IL1RAPL1: variants seen among roughly 807,000 people sequenced by gnomAD.
The protein encoded by IL1RAPL1 is interleukin-1 receptor accessory protein-like 1.
IL1RAPL1 carries 3 observed loss-of-function variants against 48.4 expected under a neutral mutation model. That is an observed-to-expected ratio of 0.06 (90% confidence interval 0.03 to 0.16). IL1RAPL1 has a LOEUF of 0.16. Among genes scored for constraint, IL1RAPL1 ranks in the 10% least tolerant of loss-of-function variants. The pLI is 1.00. For missense variants in IL1RAPL1, 349 were observed against 530.6 expected (o/e 0.66, Z 3.36); for synonymous variants, 185 against 187.7 (o/e 0.99, Z 0.12).
intron 3 of IL1RAPL1, among the ~76,000 whole-genome samples, chrX:29,331,615 A>G (rs906777386): frequency 3.6e-5 from 4 of 112,272 alleles, no homozygotes; most frequent in Non-Finnish European, 7.5e-5. Context: ...AAAAATCTCT[A>G]TTTAGTGATT....
chrX:29,866,145 C>T (rs1395068834), intron 6 of IL1RAPL1, among the ~76,000 whole-genome samples: 1 of 111,477 alleles, frequency 9.0e-6, no homozygotes, highest in Non-Finnish European at 1.9e-5. Flanking sequence ...GGAAGGATAC[C>T]TTGGAACATT....
chrX:28,634,264 C>G (rs1418553120), intron 1 of IL1RAPL1, among the ~76,000 whole-genome samples: 2 of 109,660 alleles, frequency 1.8e-5, no homozygotes, highest in African/African-American at 6.7e-5. Flanking sequence ...GGCCTCTTAA[C>G]ATGCCGGGAT....
At chrX:29,002,200 C>T (rs1310329210) in intron 2 of IL1RAPL1, among the ~76,000 whole-genome samples, 1 of 110,395 alleles carries the variant, frequency 9.1e-6, no homozygotes, top group East Asian at 2.8e-4. Flanking sequence ...ATGCCAGGCC[C>T]CAAGAACTAT....
At chrX:29,506,061 G>A (rs5972285) in intron 5 of IL1RAPL1, among the ~76,000 whole-genome samples, 50,468 of 110,598 alleles carry the variant, frequency 0.46, 8,350 homozygotes, top group East Asian at 0.7. Context: ...CTCAGTGCCA[G>A]TATTTTTGTT....
At chrX:29,783,019 C>A (rs1367528987) in intron 6 of IL1RAPL1, among the ~76,000 whole-genome samples, 1 of 101,632 alleles carries the variant, frequency 9.8e-6, no homozygotes, top group African/African-American at 3.6e-5. Flanking sequence ...ATTCTCCTGC[C>A]TCAGCCTCCC....
At chrX:29,226,991 AT>A (rs370414523) in intron 2 of IL1RAPL1, among the ~76,000 whole-genome samples, 44,366 of 103,733 alleles carry the variant, frequency 0.43, 8,992 homozygotes, top group Non-Finnish European at 0.62. Context: ...GGAATGGAAG[AT>A]TTTTTTTTTT....
chrX:28,675,373 C>T (rs922223955), intron 1 of IL1RAPL1, among the ~76,000 whole-genome samples: 1 of 111,013 alleles, frequency 9.0e-6, no homozygotes, highest in African/African-American at 3.3e-5. Flanking sequence ...ATTTTTTAAC[C>T]CCCGCTGTGT....
intron 2 of IL1RAPL1, among the ~76,000 whole-genome samples, chrX:29,147,288 T>C (rs183485708): frequency 5.3e-5 from 6 of 112,271 alleles, no homozygotes; most frequent in African/African-American, 1.6e-4. Context: ...ATAGCAGCAG[T>C]TGAAATTTCT....
chrX:28,970,989 C>T (rs1258142489), intron 2 of IL1RAPL1, among the ~76,000 whole-genome samples: 2 of 111,371 alleles, frequency 1.8e-5, no homozygotes, highest in East Asian at 5.6e-4. Flanking sequence ...CATTCAACTA[C>T]CTTGCATATC....
intron 5 of IL1RAPL1, among the ~76,000 whole-genome samples, chrX:29,541,182 C>T (rs1446137217): frequency 9.0e-6 from 1 of 111,701 alleles, no homozygotes; most frequent in African/African-American, 3.3e-5. Flanking sequence ...TGAAAAAATG[C>T]TCAAAATCGC....
intron 2 of IL1RAPL1, among the ~76,000 whole-genome samples, chrX:29,259,577 C>A (rs1016790645): frequency 1.1e-4 from 12 of 110,575 alleles, no homozygotes; most frequent in African/African-American, 3.6e-4. Flanking sequence ...CTGAAAAAAA[C>A]ATATAAGATT....
chrX:29,135,755 A>T (rs1459163721), intron 2 of IL1RAPL1, among the ~76,000 whole-genome samples: 1 of 111,618 alleles, frequency 9.0e-6, no homozygotes, highest in African/African-American at 3.3e-5. Flanking sequence ...TTATTTTGAG[A>T]CAGGGTTTCA....
At chrX:29,457,971 T>C (rs1315661674) in intron 5 of IL1RAPL1, among the ~76,000 whole-genome samples, 1 of 112,254 alleles carries the variant, frequency 8.9e-6, no homozygotes, top group Non-Finnish European at 1.9e-5. Context: ...TTCCTATGTC[T>C]GTTGGCTGCT....
At chrX:28,969,932 T>TATATGTTTCTAAACAC (rs1330023633) in intron 2 of IL1RAPL1, among the ~76,000 whole-genome samples, 3 of 111,318 alleles carry the variant, frequency 2.7e-5, no homozygotes, top group African/African-American at 9.7e-5. Context: ...TAAACACATA[T>TATATGTTTCTAAACAC]ATATGTTTCT....
intron 2 of IL1RAPL1, among the ~76,000 whole-genome samples, chrX:28,982,113 T>C (rs1925357765): frequency 8.9e-6 from 1 of 112,223 alleles, no homozygotes; most frequent in African/African-American, 3.2e-5. Context: ...CCACAAAATA[T>C]GATGAGAGAG....
intron 2 of IL1RAPL1, among the ~76,000 whole-genome samples, chrX:28,903,455 C>G (rs1176555212): frequency 1.9e-5 from 2 of 105,011 alleles, no homozygotes; most frequent in African/African-American, 7.1e-5. Flanking sequence ...TGATCACAGG[C>G]ATGAGCCACC....
intron 2 of IL1RAPL1, among the ~76,000 whole-genome samples, chrX:28,992,502 G>GGAAAAAAAAAAAAA (rs1925630760): frequency 2.0e-5 from 1 of 49,603 alleles, no homozygotes; most frequent in African/African-American, 7.3e-5. Context: ...AAAAAAAAAA[G>GGAAAAAAAAAAAAA]AAAAAAAAAA....
At chrX:28,836,161 C>A (rs1270544818) in intron 2 of IL1RAPL1, among the ~76,000 whole-genome samples, 1 of 109,337 alleles carries the variant, frequency 9.1e-6, no homozygotes, top group Non-Finnish European at 1.9e-5. Flanking sequence ...TCAGCACAGG[C>A]CTTAAAACAG....
chrX:29,908,982 C>CAAT (rs970270809), intron 6 of IL1RAPL1, among the ~76,000 whole-genome samples: 2 of 111,542 alleles, frequency 1.8e-5, no homozygotes, highest in Admixed American at 9.6e-5. Context: ...TAAACTTTAA[C>CAAT]AATAATAATA....
Sources: allele counts gnomAD v4.1 joint callset (sites outside exome capture counted in the v4.1 genomes callset), GRCh38; gene constraint gnomAD v4.1.1; transcripts MANE v1.5; gene names NCBI Gene and HGNC (gene_info 2026-07-23, HGNC 2026-07-21).